Variants in HDAC9 observed in about 807,000 individuals in gnomAD.
HDAC9 encodes the protein MEF-2 interacting transcription repressor (MITR) protein.
Under a neutral mutation model 139.4 loss-of-function variants are expected in HDAC9, and 41 were observed. The ratio of observed to expected loss-of-function variants is 0.29; its 90% CI spans 0.23 to 0.38. The LOEUF (loss-of-function observed/expected upper bound fraction) is 0.38, where lower values mean the gene tolerates loss of function less well. Ranked by LOEUF, HDAC9 falls within the 10% of genes least tolerant of loss-of-function variation. The pLI is 1.00. For missense variants in HDAC9, 1,147 were observed against 1,297.0 expected (o/e 0.88, Z 1.78); for synonymous variants, 517 against 476.2 (o/e 1.09, Z -1.12).
chr7:18,745,509 T>C (rs1437535265), intron 13 of HDAC9, among the ~76,000 whole-genome samples: 1 of 150,108 alleles, frequency 6.7e-6, no homozygotes, highest in African/African-American at 2.5e-5. Flanking sequence ...AGTTAAGCAA[T>C]GTAATGATTA....
intron 13 of HDAC9, among the ~76,000 whole-genome samples, chr7:18,746,516 T>C (rs1002823578): frequency 2.6e-5 from 4 of 152,140 alleles, no homozygotes; most frequent in Non-Finnish European, 4.4e-5. Flanking sequence ...CTAAGTAAAA[T>C]AAATGCCTAT....
chr7:18,192,130 G>T (rs1790393057), intron 2 of HDAC9, among the ~76,000 whole-genome samples: 1 of 152,124 alleles, frequency 6.6e-6, no homozygotes, highest in Non-Finnish European at 1.5e-5. Flanking sequence ...GGGGCGGGGG[G>T]GTGTCACAGT....
chr7:18,746,437 T>G (rs868581641), intron 13 of HDAC9, among the ~76,000 whole-genome samples: 1 of 152,208 alleles, frequency 6.6e-6, no homozygotes, highest in Non-Finnish European at 1.5e-5. Context: ...TTAAAAATAT[T>G]TATCCTTATT....
At chr7:18,669,927 T>A (rs192220132) in intron 12 of HDAC9, among the ~76,000 whole-genome samples, 93 of 152,000 alleles carry the variant, frequency 6.1e-4, no homozygotes, top group Admixed American at 2.8e-3. Flanking sequence ...AGAAAGATAG[T>A]CTTCTAGAAA....
At chr7:18,369,165 A>T (rs575351059) in intron 1 of HDAC9, among the ~76,000 whole-genome samples, 1 of 152,032 alleles carries the variant, frequency 6.6e-6, no homozygotes, top group Non-Finnish European at 1.5e-5. Context: ...AGATCCTTCT[A>T]TGTCTATTTT....
intron 2 of HDAC9, among the ~76,000 whole-genome samples, chr7:18,170,303 G>T (rs1010522849): frequency 4.6e-5 from 7 of 152,092 alleles, no homozygotes; most frequent in African/African-American, 1.7e-4. Context: ...TTTTTGATGG[G>T]CTGGGTTGTT....
intron 15 of HDAC9, 142 bp downstream of exon 15, chr7:18,762,419 T>C (rs1384455646): frequency 3.8e-6 from 3 of 792,728 alleles, no homozygotes; most frequent in Non-Finnish European, 5.9e-6. Flanking sequence ...GAGTGAGTCA[T>C]TTGCAACAGA....
intron 12 of HDAC9, among the ~76,000 whole-genome samples, chr7:18,695,836 A>G (rs985244502): frequency 6.6e-6 from 1 of 151,992 alleles, no homozygotes; most frequent in African/African-American, 2.4e-5. Flanking sequence ...ACACATTTTT[A>G]TTTATTTTCT....
chr7:18,113,442 T>C (rs918688037), intron 1 of HDAC9, among the ~76,000 whole-genome samples: 3 of 152,222 alleles, frequency 2.0e-5, no homozygotes, highest in Non-Finnish European at 4.4e-5. Context: ...TGCAATGTAA[T>C]GCTACATTTC....
intron 2 of HDAC9, among the ~76,000 whole-genome samples, chr7:18,513,317 A>C (rs571822015): frequency 3.0e-4 from 46 of 152,216 alleles, no homozygotes; most frequent in Non-Finnish European, 6.0e-4. Context: ...AATTCTCAAA[A>C]AATAACTTGA....
intron 2 of HDAC9, among the ~76,000 whole-genome samples, chr7:18,578,821 CT>C (rs1826860309): frequency 6.6e-6 from 1 of 152,134 alleles, no homozygotes; most frequent in Non-Finnish European, 1.5e-5. Flanking sequence ...TCTTCATTTT[CT>C]TTTGGAGAAG....
intron 22 of HDAC9, among the ~76,000 whole-genome samples, chr7:18,908,631 G>A (rs1802482088): frequency 6.6e-6 from 1 of 151,964 alleles, no homozygotes; most frequent in Non-Finnish European, 1.5e-5. Flanking sequence ...ACATGTAAGT[G>A]AGATTGTGCG....
At chr7:18,745,975 T>C (rs1046180025) in intron 13 of HDAC9, among the ~76,000 whole-genome samples, 4 of 148,112 alleles carry the variant, frequency 2.7e-5, no homozygotes, top group African/African-American at 5.0e-5. Flanking sequence ...CACTGCTGCA[T>C]TGGCGTCCTG....
At chr7:18,885,783 T>G (rs117969356) in intron 22 of HDAC9, among the ~76,000 whole-genome samples, 1 of 152,254 alleles carries the variant, frequency 6.6e-6, no homozygotes, top group Non-Finnish European at 1.5e-5. Context: ...AATAAAATTT[T>G]CCAGGTCAGA....
chr7:18,513,961 T>C (rs1162793218), intron 2 of HDAC9, among the ~76,000 whole-genome samples: 1 of 152,234 alleles, frequency 6.6e-6, no homozygotes, highest in Non-Finnish European at 1.5e-5. Flanking sequence ...ATTTAAACGT[T>C]ATTGCTTATT....
rs1018125894 is a variant in HDAC9 at position 18,306,933 on chromosome 7, T to C, written c.-42+16418T>C. On this transcript the variant is annotated intron_variant, in intron 1 of 3. Transcript: ENST00000413509. Reference sequence around the variant, plus strand: ...TCCCTCATGCAGCCATCTCCCCTGGTCATCTGAGCCAGCAGGCTGAGATCT... The same window carrying C: ...TCCCTCATGCAGCCATCTCCCCTGGCCATCTGAGCCAGCAGGCTGAGATCT... 3.9e-5 allele frequency among the ~76,000 whole-genome samples: 6 copies of C among 152,276 alleles called. No individual in the cohort carries two copies. The East Asian group carries it at 1.2e-3, about 29-fold the overall frequency.
intron 12 of HDAC9, among the ~76,000 whole-genome samples, chr7:18,691,956 A>C (rs997464654): frequency 1.1e-4 from 17 of 152,068 alleles, no homozygotes; most frequent in Non-Finnish European, 1.6e-4. Flanking sequence ...CAGACCCTGC[A>C]GTGATCACAT....
chr7:18,216,694 G>A (rs1421703905), intron 2 of HDAC9, among the ~76,000 whole-genome samples: 1 of 151,996 alleles, frequency 6.6e-6, no homozygotes, highest in African/African-American at 2.4e-5. Context: ...AAACACAATT[G>A]GACATGTTTT....
chr7:18,661,500 G>A (rs546873529), intron 11 of HDAC9, among the ~76,000 whole-genome samples: 1 of 152,150 alleles, frequency 6.6e-6, no homozygotes, highest in South Asian at 2.1e-4. Context: ...ATGTGGAGTA[G>A]AATGGTATAA....
Sources: allele counts gnomAD v4.1 joint callset (sites outside exome capture counted in the v4.1 genomes callset), GRCh38; gene constraint gnomAD v4.1.1; transcripts MANE v1.5; gene names NCBI Gene and HGNC (gene_info 2026-07-23, HGNC 2026-07-21).